The following PPFIA2 variants were observed in gnomAD, a reference collection of about 807,000 sequenced individuals.
PPFIA2 encodes PPFI scaffold protein A2, also known as liprin-alpha-2.
Under a neutral mutation model 175.5 loss-of-function variants are expected in PPFIA2, and 46 were observed. The observed-to-expected ratio is 0.26, with a 90% CI of 0.21 to 0.34. The LOEUF (loss-of-function observed/expected upper bound fraction) is 0.34, where lower values mean the gene tolerates loss of function less well. Among genes scored for constraint, PPFIA2 ranks in the 10% least tolerant of loss-of-function variants. PPFIA2 has a pLI of 1.00. For synonymous variants in PPFIA2, 568 were observed against 511.4 expected (o/e 1.11, Z -1.49); for missense variants, 1,179 against 1,506.1 (o/e 0.78, Z 3.60).
intron 7 of PPFIA2, chr12:81,430,146 A>G (rs962305455): frequency 9.9e-5 from 15 of 151,962 alleles, no homozygotes; most frequent in African/African-American, 3.6e-4. Flanking sequence ...ATTGATCTTA[A>G]AATTATAGTT....
intron 4 of PPFIA2, among the ~76,000 whole-genome samples, chr12:81,653,750 A>G (rs998535454): frequency 1.3e-5 from 2 of 152,012 alleles, no homozygotes; most frequent in Admixed American, 1.3e-4. Context: ...TTCTTCTGCT[A>G]TTTCATCTCC....
chr12:81,514,692 CAT>C (rs2062191490), intron 4 of PPFIA2, among the ~76,000 whole-genome samples: 1 of 151,884 alleles, frequency 6.6e-6, no homozygotes, highest in Non-Finnish European at 1.5e-5. Flanking sequence ...TTTTTTGACA[CAT>C]ATGACCATTC....
intron 15 of PPFIA2, among the ~76,000 whole-genome samples, chr12:81,359,655 G>A (rs959985993): frequency 6.6e-6 from 1 of 151,816 alleles, no homozygotes; most frequent in Admixed American, 6.6e-5. Context: ...GGCTTAAACT[G>A]TCTTGTTGTG....
chr12:81,621,667 T>C (rs2062054565), intron 4 of PPFIA2, among the ~76,000 whole-genome samples: 1 of 152,114 alleles, frequency 6.6e-6, no homozygotes, highest in South Asian at 2.1e-4. Flanking sequence ...GATTTGGATA[T>C]GAGGGAAATA....
intron 4 of PPFIA2, among the ~76,000 whole-genome samples, chr12:81,595,408 G>A (rs1246304871): frequency 6.6e-6 from 1 of 151,738 alleles, no homozygotes; most frequent in Non-Finnish European, 1.5e-5. Flanking sequence ...TCAATTAAAG[G>A]GCATTTTAGA....
chr12:81,594,836 C>T (rs1046482863), intron 4 of PPFIA2, among the ~76,000 whole-genome samples: 1 of 152,082 alleles, frequency 6.6e-6, no homozygotes, highest in East Asian at 1.9e-4. Context: ...TCGCTTGAGC[C>T]TGGGAGGCTG....
At chr12:81,391,908 A>T (rs764976756) in intron 8 of PPFIA2, among the ~76,000 whole-genome samples, 5 of 151,916 alleles carry the variant, frequency 3.3e-5, no homozygotes, top group Non-Finnish European at 7.4e-5. Flanking sequence ...GACTAAATAA[A>T]GCAAGAGGGT....
intron 4 of PPFIA2, chr12:81,471,457 C>T (rs1007774763): frequency 4.7e-5 from 7 of 150,088 alleles, no homozygotes; most frequent in Non-Finnish European, 8.9e-5. Flanking sequence ...AGCCACAGTG[C>T]CTGGCTTGGG....
At chr12:81,584,033 C>A (rs770438195) in intron 4 of PPFIA2, among the ~76,000 whole-genome samples, 16 of 151,862 alleles carry the variant, frequency 1.1e-4, no homozygotes, top group Non-Finnish European at 1.9e-4. Flanking sequence ...ATTCTTTTAG[C>A]ACAATATAAC....
At chr12:81,457,933 T>C (rs1443674464) in intron 4 of PPFIA2, 67 bp from the exon 5 acceptor site, 1 of 1,096,674 alleles carries the variant, frequency 9.1e-7, no homozygotes, top group African/African-American at 1.6e-5. Context: ...ATTCAAAATA[T>C]AAATTTCAAA....
At chr12:81,280,674 A>G (rs2136955452) in intron 27 of PPFIA2, among the ~76,000 whole-genome samples, 1 of 152,206 alleles carries the variant, frequency 6.6e-6, no homozygotes, top group Non-Finnish European at 1.5e-5. Context: ...TGGATGGTAA[A>G]CAACTTGAAA....
chr12:81,299,083 C>T (rs1475452919), intron 23 of PPFIA2, among the ~76,000 whole-genome samples: 1 of 152,168 alleles, frequency 6.6e-6, no homozygotes, highest in African/African-American at 2.4e-5. Context: ...GATTTAGAGA[C>T]ACTTCCTTTT....
rs530688431 is a variant in PPFIA2, at chr12:81,584,946, AT to A, written c.303+91844del. Among the ~76,000 whole-genome samples, 989 of 114,640 alleles carry A rather than the reference AT, an allele frequency of 8.6e-3. 31 individuals are homozygous for A. Among genetic ancestry groups the A allele is most frequent in the African/African-American group, 0.032 (936 of 29,008 alleles). The allele number at this position is 114,640 out of a possible 152,430, so 75.2% of individuals were successfully genotyped here. A position where few individuals can be genotyped will look rare whatever the true frequency, so the allele number is the denominator to read the frequency against. On this transcript the variant is annotated intron_variant, in intron 4 of 32. Transcript: ENST00000549396. ...TATATTTATATATAATATATTATAT[AT>A]TAATTATATTTATATATAATATATT...
intron 11 of PPFIA2, among the ~76,000 whole-genome samples, chr12:81,370,512 T>C (rs1364008198): frequency 6.6e-6 from 1 of 151,910 alleles, no homozygotes; most frequent in African/African-American, 2.4e-5. Flanking sequence ...ACAACAATGC[T>C]GTGAGAACAA....
intron 6 of PPFIA2, 75 bp from the exon 7 acceptor site, chr12:81,440,121 A>G (rs1217876028): frequency 9.2e-7 from 1 of 1,091,628 alleles, no homozygotes; most frequent in East Asian, 2.7e-5. Flanking sequence ...CATAATTAAC[A>G]TCATCAGAGA....
intron 24 of PPFIA2, chr12:81,292,339 A>G (rs1177266352): frequency 6.6e-6 from 1 of 152,070 alleles, no homozygotes; most frequent in African/African-American, 2.4e-5. Context: ...TTTTAAATAT[A>G]CAGGTGGCTC....
intron 27 of PPFIA2, among the ~76,000 whole-genome samples, chr12:81,278,703 G>A (rs1382478316): frequency 6.6e-6 from 1 of 152,146 alleles, no homozygotes; most frequent in Non-Finnish European, 1.5e-5. Flanking sequence ...GATAAACCAG[G>A]CATGTTCTGA....
At chr12:81,465,604 AC>A (rs1376219584) in intron 4 of PPFIA2, among the ~76,000 whole-genome samples, 6 of 152,086 alleles carry the variant, frequency 3.9e-5, no homozygotes, top group Admixed American at 3.3e-4. Flanking sequence ...TATTTGTAAT[AC>A]TCAGTGGAAA....
intron 24 of PPFIA2, among the ~76,000 whole-genome samples, chr12:81,294,271 A>T (rs528701034): frequency 4.9e-4 from 74 of 152,280 alleles, no homozygotes; most frequent in African/African-American, 1.7e-3. Flanking sequence ...GAACTTTCAC[A>T]TGTACCCCCT....
Sources: gnomAD v4.1 joint callset for allele counts (sites outside exome capture counted in the v4.1 genomes callset) on GRCh38, gnomAD v4.1.1 for gene constraint, MANE v1.5 for transcripts, NCBI Gene and HGNC (gene_info 2026-07-23, HGNC 2026-07-21) for gene names.